Variants in ST18 observed in about 807,000 individuals in gnomAD.
The protein encoded by ST18 is suppression of tumorigenicity 18 protein.
In ST18, 50 loss-of-function variants were observed where a neutral mutation model predicts 110.0. The ratio of observed to expected loss-of-function variants is 0.45; its 90% confidence interval spans 0.36 to 0.58. The LOEUF (loss-of-function observed/expected upper bound fraction) is 0.58. ST18 is among the 20% of genes least tolerant of loss of function. ST18 has a pLI of 0.00. For synonymous variants in ST18, 461 were observed against 452.4 expected (o/e 1.02, Z -0.24); for missense variants, 1,306 against 1,280.1 (o/e 1.02, Z -0.31).
At chr8:52,368,295 T>C (rs1828942030) in intron 2 of ST18, among the ~76,000 whole-genome samples, 1 of 152,232 alleles carries the variant, frequency 6.6e-6, no homozygotes, top group African/African-American at 2.4e-5. Context: ...GAAAATAGTC[T>C]TAAATGTTTT....
In ST18 at chr8:52,175,640, AC is replaced by A. The variant is rs143461934; in HGVS notation, c.278-3058del. On this transcript the variant is annotated intron_variant, in intron 9 of 25. Transcript: ENST00000689386. ...TCAAGGATCCCTCCTAGGACAACAAACTGTTTGTTCCTGGCATGGTGTTCAG... is the reference window on the plus strand; with the variant it reads ...TCAAGGATCCCTCCTAGGACAACAAATGTTTGTTCCTGGCATGGTGTTCAG... 9.3e-3 allele frequency among the ~76,000 whole-genome samples: 1,416 copies of A among 152,286 alleles called. 20 individuals carry two copies. The highest frequency in any genetic ancestry group is 0.033 in the African/African-American group (1,358 of 41,556).
chr8:52,302,827 C>T (rs1301306445), intron 2 of ST18, among the ~76,000 whole-genome samples: 2 of 152,082 alleles, frequency 1.3e-5, no homozygotes, highest in Non-Finnish European at 2.9e-5. Context: ...AAAACAACCC[C>T]TTCCTTAGAG....
In ST18 at chr8:52,172,199, T is replaced by C. The variant is rs765099859; in HGVS notation, c.662A>G (p.Tyr221Cys). 3.1e-6 allele frequency: 5 copies of C among 1,614,212 alleles called. No individual in the cohort carries two copies. Among genetic ancestry groups the C allele is most frequent in the East Asian group, 2.2e-5 (1 of 44,886 alleles). Residue 221 changes from tyrosine to cysteine, a missense_variant, in exon 10 of 26, where the codon TAT becomes TGT. Physicochemically the swap from Tyr to Cys is radical, Grantham distance 194 (BLOSUM62 -2). Transcript: ENST00000689386. The part of the protein sequence containing the change: ...EETKPPRVPK[Y>C]VLTDHKKDLL... ...GTCTTTTTTATGATCTGTTAAAACA[T>C]ACTTTGGGACTCTAGGTGGTTTGGT...
At chr8:52,193,238 C>A (rs1039192449) in intron 8 of ST18, among the ~76,000 whole-genome samples, 1 of 152,156 alleles carries the variant, frequency 6.6e-6, no homozygotes, top group Non-Finnish European at 1.5e-5. Context: ...AGGATTCAAG[C>A]TGGAAAGGTG....
At chr8:52,122,416 G>A (rs1043358544) in intron 23 of ST18, among the ~76,000 whole-genome samples, 3 of 152,072 alleles carry the variant, frequency 2.0e-5, no homozygotes, top group Admixed American at 1.3e-4. Context: ...TTATACAAAT[G>A]AAGCAATTCT....
At chr8:52,195,085 C>T (rs939378370) in intron 8 of ST18, among the ~76,000 whole-genome samples, 1 of 152,178 alleles carries the variant, frequency 6.6e-6, no homozygotes, top group African/African-American at 2.4e-5. Flanking sequence ...CAGAGCAGTT[C>T]AGCTACTGCA....
At chr8:52,253,978 T>TGAGAGA (rs10547061) in intron 2 of ST18, among the ~76,000 whole-genome samples, 2 of 149,630 alleles carry the variant, frequency 1.3e-5, no homozygotes, top group African/African-American at 4.9e-5. Flanking sequence ...TGTGAGAGAT[T>TGAGAGA]GAGAGAGAGA....
intron 17 of ST18, among the ~76,000 whole-genome samples, chr8:52,139,537 G>A (rs2054010431): frequency 6.6e-6 from 1 of 151,978 alleles, no homozygotes; most frequent in Non-Finnish European, 1.5e-5. Context: ...TGTGTTTTTA[G>A]TAGAGACGGG....
chr8:52,173,629 C>T (rs560088283), intron 9 of ST18, among the ~76,000 whole-genome samples: 26 of 152,122 alleles, frequency 1.7e-4, no homozygotes, highest in Admixed American at 2.6e-4. Flanking sequence ...GGCCCAGGCA[C>T]GTGGGGTGTG....
intron 2 of ST18, among the ~76,000 whole-genome samples, chr8:52,388,820 TGGGG>T (rs755222504): frequency 3.0e-5 from 1 of 32,954 alleles, no homozygotes; most frequent in African/African-American, 1.3e-4. Context: ...TGTTGTGGGG[TGGGG>T]GGAGGGGGGA....
At chr8:52,224,219 T>C (rs910296540) in intron 3 of ST18, among the ~76,000 whole-genome samples, 2 of 152,210 alleles carry the variant, frequency 1.3e-5, no homozygotes, top group Non-Finnish European at 2.9e-5. Context: ...TAGTCAAGTT[T>C]GCATAACCAC....
chr8:52,387,113 T>A (rs1004036725), intron 2 of ST18, among the ~76,000 whole-genome samples: 5 of 152,136 alleles, frequency 3.3e-5, no homozygotes, highest in Non-Finnish European at 1.5e-5. Flanking sequence ...CTCTTAGCTT[T>A]TTTCTTTCCT....
intron 19 of ST18, among the ~76,000 whole-genome samples, chr8:52,135,773 A>G (rs1236426325): frequency 6.6e-6 from 1 of 152,058 alleles, no homozygotes; most frequent in Admixed American, 6.6e-5. Context: ...AAAGTGAAGG[A>G]CTAACAAAAT....
intron 2 of ST18, among the ~76,000 whole-genome samples, chr8:52,263,030 G>T (rs984313020): frequency 2.0e-5 from 3 of 152,190 alleles, no homozygotes; most frequent in Non-Finnish European, 4.4e-5. Flanking sequence ...GACTGAAGTT[G>T]TGCCTCAGTG....
At chr8:52,184,203 A>G (rs921014180) in intron 8 of ST18, among the ~76,000 whole-genome samples, 4 of 152,218 alleles carry the variant, frequency 2.6e-5, no homozygotes, top group South Asian at 2.1e-4. Context: ...TAAGGAAATA[A>G]ATGAGCTCTA....
rs762627588 is a variant in ST18 at position 52,136,674 on chromosome 8, G to GAA, written c.2232-18_2232-17dup. 6.3e-7 allele frequency: 1 copy of GAA among 1,593,992 alleles called. No individual in the cohort carries two copies. The highest frequency in any genetic ancestry group is 2.2e-5 in the East Asian group (1 of 44,592). ...TCCAGAAACACTAGAGAGGGATGAGGAAAAAAACACAACACAACACTGACA... is the reference window on the plus strand; with the variant it reads ...TCCAGAAACACTAGAGAGGGATGAGGAAAAAAAAACACAACACAACACTGACA... On this transcript the variant is annotated splice_polypyrimidine_tract_variant and intron_variant, in intron 18 of 25. Coordinates refer to ENST00000689386, the MANE Select transcript of ST18 (RefSeq NM_001352837.2).
chr8:52,299,868 A>C (rs2095690170), intron 2 of ST18, among the ~76,000 whole-genome samples: 1 of 152,174 alleles, frequency 6.6e-6, no homozygotes. Context: ...GTGCTATTTT[A>C]AGGTGTGTTA....
At chr8:52,329,943 T>C (rs545190080) in intron 2 of ST18, among the ~76,000 whole-genome samples, 1 of 152,168 alleles carries the variant, frequency 6.6e-6, no homozygotes, top group Non-Finnish European at 1.5e-5. Context: ...GGCTAGTGAA[T>C]GTTTCTGTTG....
intron 2 of ST18, among the ~76,000 whole-genome samples, chr8:52,342,775 C>A (rs1401016907): frequency 1.3e-5 from 2 of 152,144 alleles, no homozygotes; most frequent in Non-Finnish European, 2.9e-5. Flanking sequence ...TCTGTTTCAT[C>A]CACCTCAATT....
Sources: allele counts gnomAD v4.1 joint callset (sites outside exome capture counted in the v4.1 genomes callset), GRCh38; gene constraint gnomAD v4.1.1; transcripts MANE v1.5; gene names NCBI Gene and HGNC (gene_info 2026-07-23, HGNC 2026-07-21).